SLC25A12: variants seen among roughly 807,000 people sequenced by gnomAD.
The protein encoded by SLC25A12 is solute carrier family 25 member 12.
Under a neutral mutation model 83.3 loss-of-function variants are expected in SLC25A12, and 32 were observed. The observed-to-expected ratio is 0.38, with a 90% CI of 0.29 to 0.52. The LOEUF (loss-of-function observed/expected upper bound fraction) is 0.52. Ranked by LOEUF, SLC25A12 falls within the 20% of genes least tolerant of loss-of-function variation. The pLI is 0.84. For synonymous variants in SLC25A12, 267 were observed against 291.1 expected, an observed-to-expected ratio of 0.92 and a Z score of 0.84; for missense variants, 611 against 835.6, an observed-to-expected ratio of 0.73 and a Z score of 3.31.
At chr2:171,814,958 C>T (rs527512787) in intron 10 of SLC25A12, among the ~76,000 whole-genome samples, 163 bp downstream of exon 10, 20 of 152,266 alleles carry the variant, frequency 1.3e-4, no homozygotes, top group African/African-American at 3.6e-4. Flanking sequence ...GCCATTGCTA[C>T]GACAAGTCTC....
At chr2:171,789,422 G>C (rs1053978488) in intron 15 of SLC25A12, among the ~76,000 whole-genome samples, 1 of 152,060 alleles carries the variant, frequency 6.6e-6, no homozygotes, top group Non-Finnish European at 1.5e-5. Context: ...TAGAGACGGG[G>C]TTTCACCGTG....
chr2:171,810,802 C>T (rs1304098803), intron 11 of SLC25A12, among the ~76,000 whole-genome samples: 3 of 152,154 alleles, frequency 2.0e-5, no homozygotes, highest in African/African-American at 2.4e-5. Flanking sequence ...ATTCAATATT[C>T]ATTTATTTAA....
intron 3 of SLC25A12, among the ~76,000 whole-genome samples, chr2:171,865,449 T>C (rs1403639567): frequency 2.0e-5 from 3 of 152,040 alleles, no homozygotes; most frequent in African/African-American, 7.2e-5. Context: ...TCACTTGAGG[T>C]CAGGAGTTCG....
intron 3 of SLC25A12, among the ~76,000 whole-genome samples, chr2:171,860,715 A>T (rs1466726779): frequency 4.0e-5 from 6 of 151,096 alleles, no homozygotes; most frequent in South Asian, 2.1e-4. Context: ...GAAATGTATT[A>T]AAAAAAAGAT....
At chr2:171,803,810 T>TACACACAC (rs57628850) in intron 13 of SLC25A12, among the ~76,000 whole-genome samples, 10 of 148,514 alleles carry the variant, frequency 6.7e-5, no homozygotes, top group African/African-American at 2.5e-4. Flanking sequence ...TTTAAAAAAA[T>TACACACAC]ACACACACAC....
chr2:171,884,483 A>G (rs530262061), intron 2 of SLC25A12, among the ~76,000 whole-genome samples: 1 of 147,482 alleles, frequency 6.8e-6, no homozygotes, highest in East Asian at 2.2e-4. Context: ...GTTAGGTTCT[A>G]GGCTGGGCAC....
rs1690439887 is a variant in SLC25A12 at position 171,783,921 on chromosome 2, C to T, written c.*1353G>A. On this transcript the variant is annotated 3_prime_UTR_variant, in exon 18 of 18. Transcript: ENST00000422440. ...GATACTAAGTAACTTGGTCTGTCTCCAGGCTCGCCTCTTGAAAATATTTGC... is the reference window on the plus strand; with the variant it reads ...GATACTAAGTAACTTGGTCTGTCTCTAGGCTCGCCTCTTGAAAATATTTGC... Among the ~76,000 whole-genome samples, 2 of 152,208 alleles carry T rather than the reference C, an allele frequency of 1.3e-5. No individual in the cohort carries two copies. The highest frequency in any genetic ancestry group is 4.8e-5 in the African/African-American group (2 of 41,450).
At chr2:171,786,382 TAA>T (rs5836348) in intron 17 of SLC25A12, among the ~76,000 whole-genome samples, 4,867 of 85,796 alleles carry the variant, frequency 0.057, 129 homozygotes, top group Non-Finnish European at 0.082. Flanking sequence ...AGACTCCGTC[TAA>T]AAAAAAAAAA....
chr2:171,787,572 G>A lies in SLC25A12; in HGVS notation c.1834C>T (p.Leu612Phe). Residue 612 changes from leucine (L) to phenylalanine (F), a missense_variant and splice_region_variant, in exon 17 of 18, where the codon CTC becomes TTC. Physicochemically the swap from Leu to Phe is conservative, Grantham distance 22. This residue lies in a region of SLC25A12 where 540 missense variants were observed against 777.5 expected (regional missense o/e 0.69). Transcript: ENST00000422440. ...QRWFYIDFGG[L>F]KPAGSEPTPK... ...AAAGGAGTTGAGCAGCTGACTTACA[G>A]GCCTCCAAAATCAATGTAAAACCAC... is the stretch of plus-strand genomic sequence containing the variant. 6.2e-7 allele frequency: 1 copy of A among 1,611,122 alleles called. No individual in the cohort carries two copies. The highest frequency in any genetic ancestry group is 8.5e-7 in the Non-Finnish European group (1 of 1,177,266).
intron 11 of SLC25A12, among the ~76,000 whole-genome samples, chr2:171,812,656 G>A (rs1683970478): frequency 6.6e-6 from 1 of 152,182 alleles, no homozygotes; most frequent in Admixed American, 6.5e-5. Context: ...GCGCAGTGCT[G>A]CCTCTGATGC....
intron 5 of SLC25A12, among the ~76,000 whole-genome samples, chr2:171,839,208 T>A (rs1558926465): frequency 6.6e-6 from 1 of 152,174 alleles, no homozygotes; most frequent in Non-Finnish European, 1.5e-5. Context: ...TTTCAACTTT[T>A]CAAGTTTGAG....
At chr2:171,880,508 C>G (rs1051063346) in intron 2 of SLC25A12, among the ~76,000 whole-genome samples, 3 of 152,118 alleles carry the variant, frequency 2.0e-5, no homozygotes, top group African/African-American at 7.2e-5. Context: ...GAACTCCTGA[C>G]CTCAAGTGAG....
At chr2:171,791,344 G>C in intron 15 of SLC25A12, 107 bp downstream of exon 15, 1 of 968,064 alleles carries the variant, frequency 1.0e-6, no homozygotes, top group Non-Finnish European at 1.7e-6. Flanking sequence ...AACTAAGTCA[G>C]GTACAAACAA....
chr2:171,784,811 C>A lies in SLC25A12; in HGVS notation c.*463G>T, dbSNP rs1690457237. 1.1e-5 allele frequency: 2 copies of A among 181,386 alleles called. No individual in the cohort carries two copies. The highest frequency in any genetic ancestry group is 2.4e-5 in the African/African-American group (1 of 42,238). The allele number at this position is 181,386 out of a possible 1,614,324, so 11.2% of individuals were successfully genotyped here. On this transcript the variant is annotated 3_prime_UTR_variant, in exon 18 of 18. Coordinates refer to ENST00000422440, the MANE Select transcript of SLC25A12 (RefSeq NM_003705.5). ...ATATTGATGCTTTATTTCCATAAGT[C>A]ACCAATAAGAGAATGAATTTAATTT...
At chr2:171,802,931 C>CA (rs1368687668) in intron 13 of SLC25A12, among the ~76,000 whole-genome samples, 1 of 151,974 alleles carries the variant, frequency 6.6e-6, no homozygotes, top group East Asian at 1.9e-4. Flanking sequence ...ATCAGGAAGT[C>CA]AGAGTCAACA....
chr2:171,848,370 C>T, intron 4 of SLC25A12: 1 of 444,738 alleles, frequency 2.2e-6, no homozygotes, highest in East Asian at 7.1e-5. Context: ...CAGCAGGAGC[C>T]ACTACAACCA....
In SLC25A12 at chr2:171,856,009, A is replaced by G. The variant is rs1444956093; in HGVS notation, c.210-60T>C. ...AGAAAGGGAAAGCATCAGGCATTTA[A>G]TCTGCCTTTACTATATAAACTGTAG... On this transcript the variant is annotated intron_variant, in intron 3 of 17. Transcript: ENST00000422440. The G allele has an allele frequency of 4.3e-6, 4 of 927,878 alleles. No individual in the cohort carries two copies. In the Admixed American group the frequency reaches 6.8e-5, roughly 16 times the overall value. 57.5% of individuals were successfully genotyped at this position (927,878 alleles called of 1,614,324 possible).
At chr2:171,857,258 C>G (rs1171544522) in intron 3 of SLC25A12, among the ~76,000 whole-genome samples, 2 of 152,154 alleles carry the variant, frequency 1.3e-5, no homozygotes, top group Non-Finnish European at 1.5e-5. Context: ...GTAATCCCAA[C>G]AACTCAGGAG....
At chr2:171,824,899 G>A (rs1052225565) in intron 9 of SLC25A12, among the ~76,000 whole-genome samples, 14 of 151,820 alleles carry the variant, frequency 9.2e-5, no homozygotes, top group Non-Finnish European at 8.8e-5. Flanking sequence ...AACTTCCTGG[G>A]CTCAGGTGAT....
Sources: allele counts gnomAD v4.1 joint callset (sites outside exome capture counted in the v4.1 genomes callset), GRCh38; gene constraint gnomAD v4.1.1; regional missense constraint gnomAD v4.1.1; transcripts MANE v1.5; gene names NCBI Gene and HGNC (gene_info 2026-07-23, HGNC 2026-07-21).